SOX5: variants seen among roughly 807,000 people sequenced by gnomAD.
SOX5 encodes SRY-box transcription factor 5, also known as transcription factor SOX-5.
Under a neutral mutation model 92.0 loss-of-function variants are expected in SOX5, and 9 were observed. The ratio of observed to expected loss-of-function variants is 0.10; its 90% CI spans 0.06 to 0.17. The LOEUF (loss-of-function observed/expected upper bound fraction) is 0.17. Ranked by LOEUF, SOX5 falls within the 10% of genes least tolerant of loss-of-function variation. The pLI is 1.00. For missense variants in SOX5, 642 were observed against 944.5 expected, an observed-to-expected ratio of 0.68 and a Z score of 4.20; for synonymous variants, 344 against 336.3, an observed-to-expected ratio of 1.02 and a Z score of -0.25.
At chr12:24,450,470 T>TTTTATTTTA (rs1555300497) in intron 1 of SOX5, among the ~76,000 whole-genome samples, 7 of 145,786 alleles carry the variant, frequency 4.8e-5, no homozygotes, top group Non-Finnish European at 7.6e-5. Flanking sequence ...TGTGTATTTA[T>TTTTATTTTA]TTTATTTATT....
intron 2 of SOX5, among the ~76,000 whole-genome samples, chr12:24,280,213 A>G (rs761218757): frequency 1.3e-5 from 2 of 152,224 alleles, no homozygotes; most frequent in Non-Finnish European, 2.9e-5. Context: ...CACTTTGGTG[A>G]CATGCTGCAG....
At chr12:24,550,559 C>G (rs1300311381) in intron 1 of SOX5, among the ~76,000 whole-genome samples, 4 of 152,154 alleles carry the variant, frequency 2.6e-5, no homozygotes, top group African/African-American at 9.7e-5. Flanking sequence ...TAGATACTAA[C>G]CTCCATGGCT....
intron 1 of SOX5, among the ~76,000 whole-genome samples, chr12:23,904,569 T>C (rs2097271268): frequency 6.6e-6 from 1 of 152,196 alleles, no homozygotes; most frequent in Non-Finnish European, 1.5e-5. Flanking sequence ...GAGCTATATT[T>C]ACTTATGAAT....
At chr12:23,970,721 C>T (rs1948124772) in intron 4 of SOX5, among the ~76,000 whole-genome samples, 1 of 147,860 alleles carries the variant, frequency 6.8e-6, no homozygotes, top group African/African-American at 2.5e-5. Context: ...CAACATTTGA[C>T]CATTGTGAAC....
chr12:24,510,126 CTTAAA>C (rs1421841708), intron 1 of SOX5, among the ~76,000 whole-genome samples: 1 of 152,112 alleles, frequency 6.6e-6, no homozygotes, highest in Non-Finnish European at 1.5e-5. Flanking sequence ...AGTCATTTTT[CTTAAA>C]TTAATCTCAC....
At chr12:24,041,965 G>A (rs373152394) in intron 4 of SOX5, among the ~76,000 whole-genome samples, 1 of 151,932 alleles carries the variant, frequency 6.6e-6, no homozygotes, top group Non-Finnish European at 1.5e-5. Flanking sequence ...TAATGTGAAG[G>A]CCTCTTGTAA....
intron 3 of SOX5, among the ~76,000 whole-genome samples, chr12:24,266,322 C>T (rs1943019089): frequency 1.3e-5 from 2 of 151,870 alleles, no homozygotes; most frequent in South Asian, 2.1e-4. Flanking sequence ...AAATATATAC[C>T]GACATACACG....
At chr12:23,817,548 G>A (rs988047199) in intron 3 of SOX5, among the ~76,000 whole-genome samples, 12 of 152,250 alleles carry the variant, frequency 7.9e-5, no homozygotes, top group Middle Eastern at 3.4e-3. Context: ...AAGAAGTTGC[G>A]TCATAGAGAG....
chr12:23,535,780 A>G (rs530304420), intron 14 of SOX5, among the ~76,000 whole-genome samples: 12 of 152,362 alleles, frequency 7.9e-5, no homozygotes, highest in African/African-American at 2.6e-4. Flanking sequence ...AGAAGCTCTT[A>G]GAAACTAACT....
At chr12:23,766,566 A>G (rs1358227767) in intron 3 of SOX5, among the ~76,000 whole-genome samples, 1 of 152,182 alleles carries the variant, frequency 6.6e-6, no homozygotes, top group South Asian at 2.1e-4. Context: ...TATGGATAAA[A>G]GCATCATAAC....
At chr12:23,972,233 C>G (rs1451181286) in intron 4 of SOX5, among the ~76,000 whole-genome samples, 1 of 152,136 alleles carries the variant, frequency 6.6e-6, no homozygotes, top group East Asian at 1.9e-4. Context: ...AGTATTTTTA[C>G]TTAGGAGTCA....
intron 7 of SOX5, among the ~76,000 whole-genome samples, chr12:23,651,842 C>A: frequency 6.6e-6 from 1 of 150,800 alleles, no homozygotes; most frequent in Non-Finnish European, 1.5e-5. Context: ...AATGAGCAAG[C>A]AAAATTCAAG....
At chr12:24,178,148 C>A (rs1033697922) in intron 4 of SOX5, among the ~76,000 whole-genome samples, 3 of 151,850 alleles carry the variant, frequency 2.0e-5, no homozygotes, top group Non-Finnish European at 2.9e-5. Flanking sequence ...TTACAGAAGT[C>A]TCAGTTCCAA....
intron 8 of SOX5, among the ~76,000 whole-genome samples, chr12:23,613,435 T>A (rs2076199443): frequency 6.6e-6 from 1 of 152,090 alleles, no homozygotes; most frequent in Non-Finnish European, 1.5e-5. Flanking sequence ...CTCCTGTCAC[T>A]GTGAAAAATA....
chr12:23,574,326 C>T (rs1287308550), intron 10 of SOX5, among the ~76,000 whole-genome samples: 1 of 152,142 alleles, frequency 6.6e-6, no homozygotes, highest in African/African-American at 2.4e-5. Context: ...TTCCTGAACA[C>T]CTCTACCTAG....
At chr12:24,178,662 T>TAA (rs905781438) in intron 4 of SOX5, among the ~76,000 whole-genome samples, 1 of 151,944 alleles carries the variant, frequency 6.6e-6, no homozygotes, top group South Asian at 2.1e-4. Context: ...GTATTTTAGA[T>TAA]AAAAAAAAAT....
chr12:23,967,612 G>T (rs1361523837), intron 4 of SOX5, among the ~76,000 whole-genome samples: 2 of 151,970 alleles, frequency 1.3e-5, no homozygotes, highest in Non-Finnish European at 2.9e-5. Flanking sequence ...TTAAGCCAAT[G>T]GTTACAACAA....
intron 1 of SOX5, among the ~76,000 whole-genome samples, chr12:24,521,550 T>G (rs567628635): frequency 6.6e-6 from 1 of 152,292 alleles, no homozygotes; most frequent in South Asian, 2.1e-4. Flanking sequence ...ACAGATCACA[T>G]GTTAGGTCAC....
chr12:24,127,855 T>C lies in SOX5; in HGVS notation c.-2+85488A>G, dbSNP rs76187540. 4.1e-3 allele frequency among the ~76,000 whole-genome samples: 627 copies of C among 152,242 alleles called. 20 individuals carry two copies. The East Asian group carries it at 0.11, about 27-fold the overall frequency. On this transcript the variant is annotated intron_variant, in intron 4 of 4. Coordinates refer to the SOX5 transcript ENST00000446891. ...GCAACACCGTCTCATTTGGTCTAAT[T>C]TGTATATAGGTTGCACCCTACAGTT...
Sources: allele counts gnomAD v4.1 joint callset (sites outside exome capture counted in the v4.1 genomes callset), GRCh38; gene constraint gnomAD v4.1.1; transcripts MANE v1.5; gene names NCBI Gene and HGNC (gene_info 2026-07-23, HGNC 2026-07-21).